SMTN: variants seen among roughly 807,000 people sequenced by gnomAD.
SMTN encodes smoothelin.
In SMTN, 58 loss-of-function variants were observed where a neutral mutation model predicts 102.0. That is an observed-to-expected ratio of 0.57 (90% CI 0.46 to 0.71). The LOEUF (loss-of-function observed/expected upper bound fraction) is 0.71. Ranked by LOEUF, SMTN falls within the 30% of genes least tolerant of loss-of-function variation. The pLI is 0.00. For missense variants in SMTN, 1,185 were observed against 1,241.7 expected (o/e 0.95, Z 0.69); for synonymous variants, 478 against 497.9 (o/e 0.96, Z 0.53).
At chr22:31,085,151 C>G (rs1394201717) in intron 2 of SMTN, 3 of 1,535,532 alleles carry the variant, frequency 2.0e-6, no homozygotes, top group Non-Finnish European at 1.7e-6. Context: ...CTGCCTCGGT[C>G]CCGAGTTCGA....
At position 31,089,881 on chromosome 22, in the gene SMTN, G is replaced by A; in HGVS notation, c.654G>A (p.Leu218=). The change falls in exon 7 of 21, where the codon TTG becomes TTA. Residue 218 remains leucine (L), a synonymous_variant. Coordinates refer to ENST00000333137, the MANE Select transcript of SMTN (RefSeq NM_134269.3). Reference sequence around the variant, plus strand: ...CCCCTGCCTCTCCTGAGCCTCCATTGGAGCCTGCCGAGGCCCAGTGCCTTA... The same window carrying A: ...CCCCTGCCTCTCCTGAGCCTCCATTAGAGCCTGCCGAGGCCCAGTGCCTTA... ...SPTPASPEPP[L]EPAEAQCLTA... is the part of the protein sequence containing the mutation. 2 of 1,613,726 alleles carry A rather than the reference G, an allele frequency of 1.2e-6. No homozygotes were observed. The highest frequency in any genetic ancestry group is 1.7e-6 in the Non-Finnish European group (2 of 1,179,896).
chr22:31,098,583 C>CT, intron 16 of SMTN, 84 bp from the exon 17 acceptor site: 1 of 1,250,600 alleles, frequency 8.0e-7, no homozygotes, highest in South Asian at 1.4e-5. Flanking sequence ...TGCTACAAGA[C>CT]CCCCCCTCCT....
At position 31,099,168 on chromosome 22, in the gene SMTN, C is replaced by G; in HGVS notation, c.2440C>G (p.Arg814Gly). The change falls in exon 18 of 21, where the codon CGC becomes GGC. Residue 814 changes from arginine to glycine, a missense_variant. By Grantham distance (125) the Arg-to-Gly change is moderately radical (BLOSUM62 -2). Coordinates refer to ENST00000333137, the MANE Select transcript of SMTN (RefSeq NM_134269.3). ...GCTGGACTGGTGTCGAGCCAAGACTCGCGGCTACGAGGTGAGCCCCGGGAG... is the reference window on the plus strand; with the variant it reads ...GCTGGACTGGTGTCGAGCCAAGACTGGCGGCTACGAGGTGAGCCCCGGGAG... ...MLLDWCRAKT[R>G]GYEHVDIQNF... 2 of 1,612,172 alleles carry G rather than the reference C, an allele frequency of 1.2e-6. No homozygotes were observed. The highest frequency in any genetic ancestry group is 1.1e-5 in the South Asian group (1 of 91,026).
upstream of SMTN, among the ~76,000 whole-genome samples, chr22:31,077,455 T>A (rs1458877804): frequency 6.6e-6 from 1 of 151,588 alleles, no homozygotes; most frequent in Non-Finnish European, 1.5e-5. Flanking sequence ...TGTATAATGG[T>A]GGTCCTACCT....
chr22:31,084,923 C>G, intron 2 of SMTN: 3 of 1,339,218 alleles, frequency 2.2e-6, no homozygotes, highest in Non-Finnish European at 2.9e-6. Flanking sequence ...GGGGGCGTCC[C>G]GAGCCGGGCT....
chr22:31,079,752 C>A (rs2042222327), upstream of SMTN, among the ~76,000 whole-genome samples: 1 of 152,194 alleles, frequency 6.6e-6, no homozygotes, highest in African/African-American at 2.4e-5. Context: ...TCGCTTTCTT[C>A]TGTGCCTTGA....
chr22:31,104,583 C>A lies in SMTN; in HGVS notation c.*288C>A, dbSNP rs939464601. 1.7e-5 allele frequency: 16 copies of A among 966,774 alleles called. 1 individual carries two copies. The highest frequency in any genetic ancestry group is 2.5e-5 in the East Asian group (1 of 40,114). The allele number at this position is 966,774 out of a possible 1,614,324, so 59.9% of individuals were successfully genotyped here. ...GTCTGTTGCGACACCCTCCCCCCCA[C>A]ATACACACGCAGCGTTTTGATAAAT... On this transcript the variant is annotated 3_prime_UTR_variant, in exon 21 of 21. Coordinates refer to ENST00000333137, the MANE Select transcript of SMTN (RefSeq NM_134269.3).
At chr22:31,096,961 G>A (rs1440610238) in intron 14 of SMTN, 37 bp from the exon 15 acceptor site, 5 of 1,613,808 alleles carry the variant, frequency 3.1e-6, no homozygotes, top group Non-Finnish European at 4.2e-6. Context: ...CCAGCCCCCT[G>A]TGCCTTTCAC....
Position 31,091,665 on chromosome 22 carries a change from C to T in SMTN, c.1460-10C>T. On this transcript the variant is annotated splice_polypyrimidine_tract_variant and intron_variant, in intron 10 of 20. Coordinates refer to ENST00000333137, the MANE Select transcript of SMTN (RefSeq NM_134269.3). ...TGATCCTCCTGACAGCCACCTTTCTCCCCACTCAGAACTGACACTGGGGCT... is the reference window on the plus strand; with the variant it reads ...TGATCCTCCTGACAGCCACCTTTCTTCCCACTCAGAACTGACACTGGGGCT... 1 of 1,575,862 alleles carries T rather than the reference C, an allele frequency of 6.3e-7. No homozygotes were observed. Among genetic ancestry groups the T allele is most frequent in the Non-Finnish European group, 8.6e-7 (1 of 1,156,632 alleles).
intron 16 of SMTN, 90 bp downstream of exon 16, chr22:31,097,428 G>T (rs1602664242): frequency 8.4e-7 from 1 of 1,193,610 alleles, no homozygotes; most frequent in South Asian, 1.2e-5. Context: ...GGTGGGCTGG[G>T]CACAGTGGCT....
At chr22:31,077,511 C>T (rs1053014073), upstream of SMTN, among the ~76,000 whole-genome samples, 2 of 152,148 alleles carry the variant, frequency 1.3e-5, no homozygotes, top group African/African-American at 2.4e-5. Flanking sequence ...AAAATTGCCA[C>T]ACATGTAGTA....
Position 31,089,822 on chromosome 22 carries a change from T to C in SMTN, c.595T>C (p.Ser199Pro). Residue 199 changes from serine (S) to proline (P), a missense_variant, in exon 7 of 21, where the codon TCC (serine) becomes CCC (proline). Ser to Pro is a moderately conservative substitution (Grantham distance 74, BLOSUM62 -1). This residue lies in a region of SMTN where 1,096 missense variants were observed against 1,112.7 expected (regional missense o/e 0.98). Coordinates refer to ENST00000333137, the MANE Select transcript of SMTN (RefSeq NM_134269.3). Reference sequence around the variant, plus strand: ...GCTGCGAGCCCCACCTGGGAGCACATCCAGCTCACCTGCCTCACCCAGCAG... The same window carrying C: ...GCTGCGAGCCCCACCTGGGAGCACACCCAGCTCACCTGCCTCACCCAGCAG... ...LLLRAPPGST[S>P]SSPASPSSSP... The C allele has an allele frequency of 6.2e-7, 1 of 1,613,556 alleles. No individual in the cohort carries two copies. The highest frequency in any genetic ancestry group is 8.5e-7 in the Non-Finnish European group (1 of 1,179,932).
Position 31,104,431 on chromosome 22 carries a change from C to T in SMTN, c.*136C>T, listed in dbSNP as rs771938311. The T allele has an allele frequency of 3.1e-6, 5 of 1,614,124 alleles. No homozygotes were observed. In the Admixed American group the frequency reaches 8.3e-5, roughly 27 times the overall value. ...GCAGTCGCTCTACAACCACCTGCGA[C>T]GCCACGAACTGCGCCTGCGCGGCAA... On this transcript the variant is annotated 3_prime_UTR_variant, in exon 21 of 21. Coordinates refer to ENST00000333137, the MANE Select transcript of SMTN (RefSeq NM_134269.3).
In SMTN at chr22:31,096,138, T is replaced by C. The variant is rs180975181; in HGVS notation, c.1861+529T>C. 311 of 171,614 alleles carry C rather than the reference T, an allele frequency of 1.8e-3. 2 individuals are homozygous for C. The highest frequency in any genetic ancestry group is 7.3e-3 in the African/African-American group (303 of 41,786). 10.6% of individuals were successfully genotyped at this position (171,614 alleles called of 1,614,324 possible). A position where few individuals can be genotyped will look rare whatever the true frequency, so the allele number is the denominator to read the frequency against. ...ACACTCTCAATTACTCCTCTGAATC[T>C]AGCTGCTTCTGCCAGGGCCCACTGA... is the stretch of plus-strand genomic sequence containing the variant. On this transcript the variant is annotated intron_variant, in intron 13 of 20. Coordinates refer to ENST00000333137, the MANE Select transcript of SMTN (RefSeq NM_134269.3).
rs144232849 is a variant in SMTN at position 31,096,791 on chromosome 22, G to C, written c.1920G>C (p.Glu640Asp). ...AGGAGGCACGGGGCCGGCCAGGGGA[G>C]GGGCGCGGCAACACAGCCACTGAGA... ...RLQEARGRPGEGRGNTATETT... is the reference protein window; with the variant it reads ...RLQEARGRPGDGRGNTATETT... The change falls in exon 14 of 21, where the codon GAG (glutamate) becomes GAC (aspartate). Residue 640 changes from glutamate to aspartate, a missense_variant. Coordinates refer to ENST00000333137, the MANE Select transcript of SMTN (RefSeq NM_134269.3). 1.6e-4 allele frequency: 253 copies of C among 1,566,524 alleles called. No homozygotes were observed. The highest frequency in any genetic ancestry group is 7.7e-4 in the South Asian group (64 of 83,298).
intron 19 of SMTN, 89 bp from the exon 20 acceptor site, chr22:31,100,795 TC>T: frequency 1.5e-6 from 1 of 669,874 alleles, no homozygotes; most frequent in Non-Finnish European, 2.7e-6. Context: ...CTCCCCTCTC[TC>T]TTCTCTGCCT....
chr22:31,086,062 A>C (rs1248123112), intron 2 of SMTN, among the ~76,000 whole-genome samples: 1 of 152,194 alleles, frequency 6.6e-6, no homozygotes, highest in Non-Finnish European at 1.5e-5. Context: ...TCCAGCCCCC[A>C]GCCTCCAAAT....
chr22:31,068,317 AT>A (rs2041915322), intron 1 of SMTN: 2 of 151,992 alleles, frequency 1.3e-5, no homozygotes, highest in African/African-American at 4.8e-5. Context: ...AAAAAAAAAA[AT>A]GTTTTAAAGG....
intron 1 of SMTN, among the ~76,000 whole-genome samples, chr22:31,068,551 G>C (rs1220853164): frequency 2.0e-5 from 3 of 152,116 alleles, no homozygotes; most frequent in Non-Finnish European, 4.4e-5. Context: ...CAAATTGGCT[G>C]CCTCCTTACT....
Sources: gnomAD v4.1 joint callset for allele counts (sites outside exome capture counted in the v4.1 genomes callset) on GRCh38, gnomAD v4.1.1 for gene constraint, gnomAD v4.1.1 regional missense constraint, MANE v1.5 for transcripts, NCBI Gene and HGNC (gene_info 2026-07-23, HGNC 2026-07-21) for gene names.